TRHDE: variants seen among roughly 807,000 people sequenced by gnomAD.
The protein encoded by TRHDE is thyrotropin releasing hormone degrading enzyme, also known as thyrotropin-releasing hormone-degrading ectoenzyme.
TRHDE carries 72 observed loss-of-function variants against 125.7 expected under a neutral mutation model. That is an observed-to-expected ratio of 0.57 (90% CI 0.47 to 0.70). The LOEUF is 0.70. Among genes scored for constraint, TRHDE ranks in the 30% least tolerant of loss-of-function variants. TRHDE has a pLI of 0.00. For synonymous variants in TRHDE, 509 were observed against 509.1 expected (o/e 1.00, Z 0.00); for missense variants, 1,110 against 1,327.1 (o/e 0.84, Z 2.54).
At chr12:72,087,402 A>C (rs1874694307) in exon 1 of TRHDE, 1 of 152,386 alleles carries the variant, frequency 6.6e-6, no homozygotes, top group South Asian at 2.1e-4. Context: ...ACACAGAAGA[A>C]AGATGGGATC....
intron 1 of TRHDE, among the ~76,000 whole-genome samples, chr12:72,093,960 C>T (rs1350991131): frequency 6.6e-6 from 1 of 152,132 alleles, no homozygotes; most frequent in Non-Finnish European, 1.5e-5. Context: ...TCCAGTTTTA[C>T]AGACTGTTTT....
intron 3 of TRHDE, among the ~76,000 whole-genome samples, chr12:72,381,597 C>T (rs1592405109): frequency 6.6e-6 from 1 of 151,772 alleles, no homozygotes; most frequent in South Asian, 2.1e-4. Context: ...GGGGTTTCAC[C>T]GTTTTAGCCG....
intron 2 of TRHDE, among the ~76,000 whole-genome samples, chr12:72,332,609 C>T (rs1230179120): frequency 6.6e-6 from 1 of 152,172 alleles, no homozygotes; most frequent in East Asian, 1.9e-4. Context: ...GAACTAACAT[C>T]CAAACCATAT....
At chr12:72,195,632 G>A (rs1161065302) in intron 2 of TRHDE, among the ~76,000 whole-genome samples, 2 of 152,128 alleles carry the variant, frequency 1.3e-5, no homozygotes, top group South Asian at 2.1e-4. Flanking sequence ...ATAGATTCTG[G>A]ATATTAAACT....
chr12:72,438,268 T>G (rs1874835924), intron 3 of TRHDE, among the ~76,000 whole-genome samples: 1 of 151,858 alleles, frequency 6.6e-6, no homozygotes, highest in African/African-American at 2.4e-5. Context: ...GACCTATTGA[T>G]GTCATTTTCT....
intron 6 of TRHDE, among the ~76,000 whole-genome samples, chr12:72,520,373 C>T (rs1374904773): frequency 1.3e-5 from 2 of 152,192 alleles, no homozygotes; most frequent in Non-Finnish European, 2.9e-5. Flanking sequence ...GTCGGAAAAG[C>T]GCAGTATTCG....
At chr12:72,349,953 TA>T (rs1870506459) in intron 2 of TRHDE, among the ~76,000 whole-genome samples, 1 of 151,998 alleles carries the variant, frequency 6.6e-6, no homozygotes, top group African/African-American at 2.4e-5. Flanking sequence ...TAAAAGTTCA[TA>T]AAATAAAAGA....
intron 2 of TRHDE, among the ~76,000 whole-genome samples, chr12:72,301,328 A>G (rs1012137822): frequency 6.6e-6 from 1 of 152,144 alleles, no homozygotes; most frequent in Non-Finnish European, 1.5e-5. Flanking sequence ...TCATTAGACA[A>G]TGAGAAATTC....
chr12:72,621,860 A>G (rs369339371), intron 15 of TRHDE, 109 bp downstream of exon 15: 5 of 805,752 alleles, frequency 6.2e-6, no homozygotes, highest in East Asian at 5.9e-5. Context: ...AGGAAAAACA[A>G]AAGCATGCAG....
chr12:72,499,042 AAAAG>A (rs1274533129), intron 5 of TRHDE, among the ~76,000 whole-genome samples: 2 of 151,926 alleles, frequency 1.3e-5, no homozygotes, highest in East Asian at 3.9e-4. Flanking sequence ...GACAGGGAAA[AAAAG>A]AGCTGTTCAA....
At chr12:72,475,179 G>A (rs1485828227) in intron 5 of TRHDE, among the ~76,000 whole-genome samples, 1 of 152,080 alleles carries the variant, frequency 6.6e-6, no homozygotes, top group East Asian at 1.9e-4. Flanking sequence ...ATTTTAAAAT[G>A]TAAATGTTTA....
At chr12:72,644,223 C>G (rs1874185212) in intron 15 of TRHDE, among the ~76,000 whole-genome samples, 1 of 152,158 alleles carries the variant, frequency 6.6e-6, no homozygotes, top group Admixed American at 6.5e-5. Context: ...ATCAGAATCT[C>G]TACTCCCTAG....
chr12:72,182,262 C>T (rs909951247), intron 2 of TRHDE, among the ~76,000 whole-genome samples: 3 of 152,152 alleles, frequency 2.0e-5, no homozygotes, highest in Admixed American at 6.5e-5. Flanking sequence ...TAACTGTCCA[C>T]AACAGGGATG....
At chr12:72,407,434 G>T (rs113682323) in intron 3 of TRHDE, among the ~76,000 whole-genome samples, 1 of 152,194 alleles carries the variant, frequency 6.6e-6, no homozygotes, top group South Asian at 2.1e-4. Context: ...CCATTAGCTG[G>T]ATCTAGGCTA....
intron 6 of TRHDE, among the ~76,000 whole-genome samples, chr12:72,527,081 T>C (rs1331339871): frequency 6.6e-6 from 1 of 152,150 alleles, no homozygotes; most frequent in Non-Finnish European, 1.5e-5. Flanking sequence ...ATTTAGTGTT[T>C]TATTTTTTCC....
intron 3 of TRHDE, among the ~76,000 whole-genome samples, chr12:72,464,044 T>C (rs1055114112): frequency 1.3e-5 from 2 of 152,172 alleles, no homozygotes; most frequent in African/African-American, 4.8e-5. Context: ...TGCAAGGCTT[T>C]CTTAACTTTC....
intron 2 of TRHDE, among the ~76,000 whole-genome samples, chr12:72,325,323 A>G (rs1869290096): frequency 6.6e-6 from 1 of 152,114 alleles, no homozygotes; most frequent in African/African-American, 2.4e-5. Context: ...CCCACTAAAG[A>G]GATTTAGATT....
intron 2 of TRHDE, among the ~76,000 whole-genome samples, chr12:72,374,913 T>A (rs1198108505): frequency 6.6e-6 from 1 of 152,188 alleles, no homozygotes; most frequent in African/African-American, 2.4e-5. Flanking sequence ...AGATGTGTTT[T>A]GGTTTGGCTG....
At chr12:72,584,208 G>T (rs1871353860) in intron 12 of TRHDE, among the ~76,000 whole-genome samples, 1 of 152,050 alleles carries the variant, frequency 6.6e-6, no homozygotes, top group Middle Eastern at 3.2e-3. Flanking sequence ...TACTGTCTGA[G>T]AGTGCTGAGT....
Sources: allele counts gnomAD v4.1 joint callset (sites outside exome capture counted in the v4.1 genomes callset), GRCh38; gene constraint gnomAD v4.1.1; transcripts MANE v1.5; gene names NCBI Gene and HGNC (gene_info 2026-07-23, HGNC 2026-07-21).